BTBD1: variants seen among roughly 807,000 people sequenced by gnomAD.
BTBD1 encodes BTB/POZ domain-containing protein 1.
Under a neutral mutation model 48.0 loss-of-function variants are expected in BTBD1, and 34 were observed. The ratio of observed to expected loss-of-function variants is 0.71; its 90% CI spans 0.54 to 0.94. The LOEUF (loss-of-function observed/expected upper bound fraction) is 0.94, where lower values mean the gene tolerates loss of function less well. Ranked by LOEUF, BTBD1 falls within the 40% of genes least tolerant of loss-of-function variation. The probability of loss-of-function intolerance (pLI) is 0.00; values close to 1 mark genes in which losing one functional copy is unlikely to be tolerated. For synonymous variants in BTBD1, 261 were observed against 242.1 expected (o/e 1.08, Z -0.72); for missense variants, 543 against 625.6 (o/e 0.87, Z 1.41).
intron 5 of BTBD1, chr15:83,022,202 T>C (rs908279821): frequency 5.3e-5 from 8 of 151,292 alleles, no homozygotes; most frequent in African/African-American, 9.7e-5. Context: ...ACTCCACCAT[T>C]CCTTGCTAGT....
chr15:83,065,682 T>A (rs1033387803), intron 1 of BTBD1, among the ~76,000 whole-genome samples: 3 of 152,346 alleles, frequency 2.0e-5, no homozygotes, highest in Middle Eastern at 3.4e-3. Context: ...TAGCTGTTTG[T>A]TACCTTGGGC....
chr15:83,033,202 G>C (rs2032558610), intron 4 of BTBD1, among the ~76,000 whole-genome samples: 1 of 151,970 alleles, frequency 6.6e-6, no homozygotes, highest in African/African-American at 2.4e-5. Flanking sequence ...AAACACAGCA[G>C]GGCCCCATCT....
intron 4 of BTBD1, among the ~76,000 whole-genome samples, chr15:83,036,108 A>AT (rs1206904460): frequency 2.0e-5 from 3 of 149,634 alleles, no homozygotes; most frequent in African/African-American, 7.3e-5. Flanking sequence ...ATTACCAAAA[A>AT]AAAAAAAAAA....
chr15:83,026,351 T>C (rs1489159120), intron 5 of BTBD1, among the ~76,000 whole-genome samples: 1 of 152,084 alleles, frequency 6.6e-6, no homozygotes, highest in Admixed American at 6.6e-5. Flanking sequence ...GGGGCACTAC[T>C]GGCAAGGAAC....
chr15:83,050,217 T>G lies in BTBD1; in HGVS notation c.559-39A>C. The G allele has an allele frequency of 2.2e-6, 3 of 1,335,044 alleles. No homozygotes were observed. In the South Asian group the frequency reaches 3.6e-5, roughly 16 times the overall value. The allele number at this position is 1,335,044 out of a possible 1,614,324, so 82.7% of individuals were successfully genotyped here. On this transcript the variant is annotated intron_variant, in intron 2 of 7. Coordinates refer to ENST00000261721, the MANE Select transcript of BTBD1 (RefSeq NM_025238.4). The stretch of plus-strand genomic sequence containing the variant: ...GAGATAGTTATTTAACTTTCATAGT[T>G]ATTTTACCTTCAGACTGTACATATT...
chr15:83,054,801 C>T (rs1477830711), intron 2 of BTBD1, among the ~76,000 whole-genome samples: 1 of 152,086 alleles, frequency 6.6e-6, no homozygotes, highest in Non-Finnish European at 1.5e-5. Flanking sequence ...GCCTCATGAT[C>T]TGCCCGCCTC....
At chr15:83,044,617 C>CTA in intron 3 of BTBD1, 2 of 1,576,506 alleles carry the variant, frequency 1.3e-6, no homozygotes, top group Non-Finnish European at 1.7e-6. Context: ...AAAACTCAGA[C>CTA]TGTGTGCAGC....
intron 2 of BTBD1, among the ~76,000 whole-genome samples, chr15:83,051,831 A>G (rs2032988416): frequency 2.1e-5 from 3 of 143,074 alleles, no homozygotes; most frequent in Non-Finnish European, 4.5e-5. Context: ...TTATCTAAAT[A>G]TTATTTAACA....
intron 1 of BTBD1, among the ~76,000 whole-genome samples, chr15:83,058,259 T>G (rs2033120899): frequency 6.6e-6 from 1 of 152,274 alleles, no homozygotes; most frequent in Non-Finnish European, 1.5e-5. Context: ...ATTCATCTAC[T>G]CTAGTTCATC....
intron 1 of BTBD1, among the ~76,000 whole-genome samples, chr15:83,062,889 T>C (rs1263313309): frequency 2.0e-5 from 3 of 152,222 alleles, no homozygotes; most frequent in Non-Finnish European, 2.9e-5. Context: ...GGACTGTTTA[T>C]ACTGTCTCCA....
chr15:83,053,164 T>C (rs1718200959), intron 2 of BTBD1, among the ~76,000 whole-genome samples: 1 of 152,204 alleles, frequency 6.6e-6, no homozygotes, highest in South Asian at 2.1e-4. Context: ...GCATTCTCTT[T>C]GATAACACTT....
In BTBD1 at chr15:83,066,912, G is replaced by A. The variant is rs1259548340; in HGVS notation, c.240C>T (p.Gly80=). Residue 80 remains glycine (G), a synonymous_variant, in exon 1 of 8, where the codon GGC becomes GGT. Coordinates refer to ENST00000261721, the MANE Select transcript of BTBD1 (RefSeq NM_025238.4). ...DVRFVLGKGR[G]AAAAGGPQRI... ...GCTGCGGGCCCCCAGCGGCGGCGGC[G>A]CCGCGACCCTTGCCCAGTACGAAGC... 17 of 1,526,396 alleles carry A rather than the reference G, an allele frequency of 1.1e-5. 1 individual carries two copies. The highest frequency in any genetic ancestry group is 1.0e-4 in the African/African-American group (7 of 69,470). The allele number at this position is 1,526,396 out of a possible 1,614,324, so 94.6% of individuals were successfully genotyped here. A position where few individuals can be genotyped will look rare whatever the true frequency, so the allele number is the denominator to read the frequency against.
At chr15:83,050,912 T>C (rs1350247242) in intron 2 of BTBD1, among the ~76,000 whole-genome samples, 2 of 151,982 alleles carry the variant, frequency 1.3e-5, no homozygotes, top group Non-Finnish European at 2.9e-5. Flanking sequence ...AGCCAGAATA[T>C]ATAATGAGCA....
chr15:83,026,535 T>C (rs796889028), intron 5 of BTBD1, among the ~76,000 whole-genome samples: 6 of 148,952 alleles, frequency 4.0e-5, no homozygotes, highest in African/African-American at 9.9e-5. Flanking sequence ...TTTTTTTTTT[T>C]TTTTGAGACG....
At chr15:83,039,111 G>C (rs903557737) in intron 4 of BTBD1, among the ~76,000 whole-genome samples, 2 of 151,868 alleles carry the variant, frequency 1.3e-5, no homozygotes, top group Non-Finnish European at 2.9e-5. Context: ...TAGAATGGGA[G>C]AAAATATTCA....
chr15:83,034,014 G>A (rs977062000), intron 4 of BTBD1, among the ~76,000 whole-genome samples: 3 of 151,144 alleles, frequency 2.0e-5, no homozygotes, highest in South Asian at 2.1e-4. Flanking sequence ...CCTGAGCCCA[G>A]GAGGTTGACG....
chr15:83,061,902 GATTA>G (rs930202274), intron 1 of BTBD1: 6 of 152,248 alleles, frequency 3.9e-5, no homozygotes, highest in East Asian at 1.9e-4. Context: ...TGCTGTGAGA[GATTA>G]ATTAGATGAG....
At chr15:83,029,293 C>G (rs1459832033) in intron 5 of BTBD1, among the ~76,000 whole-genome samples, 1 of 152,132 alleles carries the variant, frequency 6.6e-6, no homozygotes, top group Non-Finnish European at 1.5e-5. Context: ...TTTGTGAAAA[C>G]CGGCACTGAT....
intron 5 of BTBD1, among the ~76,000 whole-genome samples, chr15:83,021,204 T>C (rs1324798073): frequency 2.0e-5 from 3 of 152,232 alleles, no homozygotes; most frequent in African/African-American, 7.2e-5. Flanking sequence ...AGACAGTTTC[T>C]ACCTGCATTG....
Sources: gnomAD v4.1 joint callset for allele counts (sites outside exome capture counted in the v4.1 genomes callset) on GRCh38, gnomAD v4.1.1 for gene constraint, MANE v1.5 for transcripts, NCBI Gene and HGNC (gene_info 2026-07-23, HGNC 2026-07-21) for gene names.